The following DOCK3 variants were observed in gnomAD, a reference collection of about 807,000 sequenced individuals.
DOCK3 encodes the protein dedicator of cytokinesis protein 3.
A neutral mutation model predicts 265.6 loss-of-function variants in DOCK3; 60 were observed. The observed-to-expected ratio is 0.23, with a 90% CI of 0.18 to 0.28. The LOEUF is 0.28. DOCK3 is among the 10% of genes least tolerant of loss of function. The pLI, the probability that DOCK3 is intolerant of heterozygous loss-of-function variation, is 1.00. For synonymous variants in DOCK3, 881 were observed against 938.0 expected (o/e 0.94, Z 1.11); for missense variants, 1,981 against 2,594.3 (o/e 0.76, Z 5.14).
intron 5 of DOCK3, among the ~76,000 whole-genome samples, chr3:51,009,641 G>A (rs371693548): frequency 1.3e-5 from 2 of 151,920 alleles, no homozygotes; most frequent in South Asian, 2.1e-4. Flanking sequence ...GATCTTAGTT[G>A]TTTCTTGCCT....
At chr3:50,750,515 A>G (rs2039728666) in intron 1 of DOCK3, among the ~76,000 whole-genome samples, 1 of 151,854 alleles carries the variant, frequency 6.6e-6, no homozygotes, top group Non-Finnish European at 1.5e-5. Flanking sequence ...TTTTTAGTAG[A>G]GACGGGGTTT....
intron 32 of DOCK3, 90 bp downstream of exon 32, chr3:51,315,218 T>G (rs2083300108): frequency 7.0e-7 from 1 of 1,434,658 alleles, no homozygotes; most frequent in Admixed American, 2.4e-5. Flanking sequence ...ATGATTCTAG[T>G]GGGGATGGGC....
Position 51,365,088 on chromosome 3 carries a change from A to C in DOCK3, c.5293+2414A>C, listed in dbSNP as rs138270616. Among the ~76,000 whole-genome samples, 1,345 of 152,262 alleles carry C rather than the reference A, an allele frequency of 8.8e-3. 29 individuals carry two copies. The highest frequency in any genetic ancestry group is 0.029 in the African/African-American group (1,201 of 41,538). On this transcript the variant is annotated intron_variant, in intron 49 of 52. Transcript: ENST00000266037. ...TTACCTTGGCAGTATGGCCATTTTC[A>C]CGATACTGATTCTTCCTATCCATGA...
chr3:50,880,908 G>A (rs1418096156), intron 3 of DOCK3, among the ~76,000 whole-genome samples: 3 of 152,034 alleles, frequency 2.0e-5, no homozygotes, highest in Non-Finnish European at 2.9e-5. Flanking sequence ...ATCCAGCAGC[G>A]AATCAAAAAG....
chr3:51,060,630 G>T (rs1225216882), intron 5 of DOCK3, among the ~76,000 whole-genome samples: 3 of 152,090 alleles, frequency 2.0e-5, no homozygotes, highest in Non-Finnish European at 4.4e-5. Context: ...AGTTTTCCCA[G>T]CACCATTTAT....
rs151013935 is a variant in DOCK3 at position 50,944,955 on chromosome 3, C to T, written c.315+10878C>T. On this transcript the variant is annotated intron_variant, in intron 5 of 52. Transcript: ENST00000266037. ...TGCCTGGGCAACAAGAATGAAACTC[C>T]ATCTCAAAAAAACAAAAACAAACAC... is the stretch of plus-strand genomic sequence containing the variant. Among the ~76,000 whole-genome samples, 10 of 152,236 alleles carry T rather than the reference C, an allele frequency of 6.6e-5. No homozygotes were observed. The East Asian group carries it at 1.9e-3, about 29-fold the overall frequency.
At chr3:50,782,941 A>T (rs1212897516) in intron 2 of DOCK3, among the ~76,000 whole-genome samples, 1 of 146,970 alleles carries the variant, frequency 6.8e-6, no homozygotes, top group Non-Finnish European at 1.5e-5. Flanking sequence ...CTCCAATTCC[A>T]TCCAGGTTGC....
At chr3:51,122,170 A>G (rs1403049574) in intron 9 of DOCK3, among the ~76,000 whole-genome samples, 1 of 152,236 alleles carries the variant, frequency 6.6e-6, no homozygotes, top group African/African-American at 2.4e-5. Flanking sequence ...TGAGGAATAA[A>G]CTTTCTAATA....
chr3:51,250,114 T>C (rs1424244694), intron 22 of DOCK3, among the ~76,000 whole-genome samples: 1 of 151,698 alleles, frequency 6.6e-6, no homozygotes, highest in Non-Finnish European at 1.5e-5. Context: ...TAATCTCAAG[T>C]ACCCAGGGAC....
At chr3:51,090,180 A>G (rs749333957) in intron 8 of DOCK3, 50 bp from the exon 9 acceptor site, 25 of 1,501,528 alleles carry the variant, frequency 1.7e-5, no homozygotes, top group Non-Finnish European at 2.2e-5. Context: ...AATGATCAAT[A>G]TAAAAAATAA....
intron 32 of DOCK3, among the ~76,000 whole-genome samples, chr3:51,321,884 A>G (rs2083753998): frequency 6.6e-6 from 1 of 152,236 alleles, no homozygotes; most frequent in Admixed American, 6.5e-5. Context: ...GGGAGAATGG[A>G]ACCAAGTTGG....
At chr3:51,071,472 A>T (rs1022650041) in intron 6 of DOCK3, among the ~76,000 whole-genome samples, 10 of 152,170 alleles carry the variant, frequency 6.6e-5, no homozygotes, top group African/African-American at 2.2e-4. Flanking sequence ...AGAGTTTTTT[A>T]TCCAGACACC....
chr3:50,740,137 T>A (rs1044186083), intron 1 of DOCK3, among the ~76,000 whole-genome samples: 2 of 152,166 alleles, frequency 1.3e-5, no homozygotes, highest in African/African-American at 2.4e-5. Flanking sequence ...TTTGACTACA[T>A]TTCTCATTAT....
In DOCK3 at chr3:51,359,715, A is replaced by G. The variant is rs1001897112; in HGVS notation, c.4885-796A>G. ...CCGTGTGCACACATAGCCTTTCTCCAGCTACAGAAATACATTTTAGCCCTC... is the reference window on the plus strand; with the variant it reads ...CCGTGTGCACACATAGCCTTTCTCCGGCTACAGAAATACATTTTAGCCCTC... On this transcript the variant is annotated intron_variant, in intron 46 of 52. Transcript: ENST00000266037. This position sits in a 1 kb window ranked among gnomAD's most constrained non-coding sequence, Gnocchi z 4.8. Among the ~76,000 whole-genome samples the G allele has an allele frequency of 6.6e-6, 1 of 152,230 alleles. No homozygotes were observed. The highest frequency in any genetic ancestry group is 2.4e-5 in the African/African-American group (1 of 41,458).
At chr3:51,030,220 G>C (rs181212818) in intron 5 of DOCK3, among the ~76,000 whole-genome samples, 1 of 152,236 alleles carries the variant, frequency 6.6e-6, no homozygotes, top group Non-Finnish European at 1.5e-5. Flanking sequence ...TAATAACTTT[G>C]ATCTTTTTTC....
In DOCK3 at chr3:51,270,822, T is replaced by A; in HGVS notation, c.2363T>A (p.Leu788His). 1 of 1,613,574 alleles carries A rather than the reference T, an allele frequency of 6.2e-7. No homozygotes were observed. Residue 788 changes from leucine to histidine, a missense_variant, in exon 24 of 53, where the codon CTC becomes CAC. Physicochemically the swap from Leu to His is moderately conservative, Grantham distance 99. Coordinates refer to ENST00000266037, the MANE Select transcript of DOCK3 (RefSeq NM_004947.5). ...CTTCATTTGCTTCTGCAGGCTGCAC[T>A]CCTCAATTCTTTCCCAACCATCTTT... ...SETLLFTQAA[L>H]LNSFPTIFDE...
rs1413749691 is a variant in DOCK3 at position 51,068,069 on chromosome 3, A to T, written c.464+3473A>T. The stretch of plus-strand genomic sequence containing the variant: ...TTAATGTTTTAATTGATGTAATTAA[A>T]TATATGATTTTAAACTCTTATGCCT... On this transcript the variant is annotated intron_variant, in intron 6 of 52. Transcript: ENST00000266037. Among the ~76,000 whole-genome samples, 3 of 152,230 alleles carry T rather than the reference A, an allele frequency of 2.0e-5. No individual in the cohort carries two copies. In the East Asian group the frequency reaches 5.8e-4, roughly 29 times the overall value.
intron 27 of DOCK3, among the ~76,000 whole-genome samples, chr3:51,289,990 A>C (rs1052137369): frequency 6.6e-6 from 1 of 152,338 alleles, no homozygotes; most frequent in African/African-American, 2.4e-5. Context: ...ATGAGATATC[A>C]TCTCACACCA....
At chr3:51,310,374 C>G in intron 28 of DOCK3, 48 bp downstream of exon 28, 4 of 1,464,802 alleles carry the variant, frequency 2.7e-6, no homozygotes, top group South Asian at 2.4e-5. Flanking sequence ...TGTTCTCAGA[C>G]TAAGAAGAGT....
Sources: allele counts gnomAD v4.1 joint callset (sites outside exome capture counted in the v4.1 genomes callset), GRCh38; gene constraint gnomAD v4.1.1; non-coding constraint Gnocchi (gnomAD v3.1); transcripts MANE v1.5; gene names NCBI Gene and HGNC (gene_info 2026-07-23, HGNC 2026-07-21).